Variants in MAGEC3 observed in about 807,000 individuals in gnomAD.
MAGEC3 encodes melanoma-associated antigen C3.
In MAGEC3, 34 loss-of-function variants were observed where a neutral mutation model predicts 35.3. The observed-to-expected ratio is 0.96, with a 90% CI of 0.73 to 1.28. The LOEUF (loss-of-function observed/expected upper bound fraction) is 1.28. MAGEC3 is among the 50% of genes most tolerant of loss of function. The pLI is 0.00. For synonymous variants in MAGEC3, 202 were observed against 185.6 expected, an observed-to-expected ratio of 1.09 and a Z score of -0.72; for missense variants, 561 against 483.6, an observed-to-expected ratio of 1.16 and a Z score of -1.50.
intron 3 of MAGEC3, among the ~76,000 whole-genome samples, chrX:141,880,077 G>A (rs1235208293): frequency 6.3e-5 from 7 of 111,689 alleles, no homozygotes. Flanking sequence ...GGTGAGAGGT[G>A]CAGGGAAAGG....
intron 2 of MAGEC3, among the ~76,000 whole-genome samples, chrX:141,868,425 T>C: frequency 9.0e-6 from 1 of 111,632 alleles, no homozygotes; most frequent in Middle Eastern, 4.6e-3. Flanking sequence ...TAACAACAGG[T>C]GAGCTACAGT....
intron 3 of MAGEC3, 92 bp downstream of exon 3, chrX:141,879,523 G>A (rs2017945994): frequency 1.9e-6 from 2 of 1,044,357 alleles, no homozygotes; most frequent in Non-Finnish European, 1.3e-6. Flanking sequence ...GAAAGGGTCG[G>A]GGAGGTAGGC....
intron 2 of MAGEC3, among the ~76,000 whole-genome samples, chrX:141,869,520 GTTT>G (rs1308303643): frequency 3.6e-5 from 4 of 111,952 alleles, no homozygotes; most frequent in Non-Finnish European, 3.8e-5. Context: ...ACTTGTTTCT[GTTT>G]TTTATTAGTT....
intron 2 of MAGEC3, among the ~76,000 whole-genome samples, chrX:141,867,257 T>G (rs2017854974): frequency 8.9e-6 from 1 of 112,244 alleles, no homozygotes; most frequent in South Asian, 3.7e-4. Context: ...GCTTGACAGC[T>G]AAAGACAGAT....
chrX:141,874,291 C>CTT (rs1206892754), intron 2 of MAGEC3, among the ~76,000 whole-genome samples: 2 of 111,257 alleles, frequency 1.8e-5, no homozygotes, highest in Admixed American at 1.9e-4. Flanking sequence ...CAGGGGAAAA[C>CTT]CTAAGTAACT....
intron 2 of MAGEC3, among the ~76,000 whole-genome samples, chrX:141,871,700 GAGAA>G (rs2017888881): frequency 8.9e-6 from 1 of 112,093 alleles, no homozygotes; most frequent in African/African-American, 3.2e-5. Context: ...GGGATTTTCA[GAGAA>G]AGAATCCAGA....
At chrX:141,843,117 G>A (rs1048591352) in intron 1 of MAGEC3, among the ~76,000 whole-genome samples, 1 of 112,448 alleles carries the variant, frequency 8.9e-6, no homozygotes, top group African/African-American at 3.2e-5. Flanking sequence ...GCTTTATCAT[G>A]TAAATGAATG....
At chrX:141,865,390 TA>T in intron 1 of MAGEC3, 80 bp from the exon 2 acceptor site, 1 of 970,240 alleles carries the variant, frequency 1.0e-6, no homozygotes, top group Non-Finnish European at 1.4e-6. Context: ...GGAAAGACAC[TA>T]AAGAAGAATA....
chrX:141,884,551 TC>T (rs1281344830), intron 4 of MAGEC3, among the ~76,000 whole-genome samples: 1 of 111,405 alleles, frequency 9.0e-6, no homozygotes, highest in African/African-American at 3.3e-5. Flanking sequence ...CAGGAGTGGT[TC>T]TAGAGAAACA....
intron 4 of MAGEC3, among the ~76,000 whole-genome samples, chrX:141,885,793 G>A (rs1344607945): frequency 2.7e-5 from 3 of 110,798 alleles, no homozygotes; most frequent in South Asian, 3.9e-4. Context: ...TAATGTAGAG[G>A]AAGGGATCCA....
intron 4 of MAGEC3, among the ~76,000 whole-genome samples, chrX:141,887,704 G>C (rs902725055): frequency 1.2e-4 from 13 of 112,148 alleles, no homozygotes; most frequent in African/African-American, 2.9e-4. Flanking sequence ...TGCTGTGCAA[G>C]CTGCCCTGCC....
At chrX:141,877,610 A>C (rs1037019675) in intron 2 of MAGEC3, among the ~76,000 whole-genome samples, 1 of 111,777 alleles carries the variant, frequency 8.9e-6, no homozygotes, top group Non-Finnish European at 1.9e-5. Flanking sequence ...TTGGATTACT[A>C]CACTGGCTAC....
At chrX:141,895,909 G>GC (rs1295107035) in intron 6 of MAGEC3, among the ~76,000 whole-genome samples, 2 of 111,644 alleles carry the variant, frequency 1.8e-5, no homozygotes, top group Non-Finnish European at 3.8e-5. Flanking sequence ...CACCCCGACT[G>GC]CCCCCGTGGT....
At chrX:141,874,146 A>C (rs2124109352) in intron 2 of MAGEC3, among the ~76,000 whole-genome samples, 1 of 112,438 alleles carries the variant, frequency 8.9e-6, no homozygotes, top group South Asian at 3.6e-4. Context: ...TACCAGAACA[A>C]GTGGACATCC....
intron 6 of MAGEC3, among the ~76,000 whole-genome samples, chrX:141,895,946 C>T (rs1343285288): frequency 9.0e-6 from 1 of 111,699 alleles, no homozygotes; most frequent in Non-Finnish European, 1.9e-5. Context: ...GCTGCCACCT[C>T]GCTACCTCCC....
chrX:141,865,748 C>G, intron 2 of MAGEC3, 143 bp downstream of exon 2: 1 of 628,764 alleles, frequency 1.6e-6, no homozygotes, highest in Non-Finnish European at 2.3e-6. Flanking sequence ...TTTTTGGGGC[C>G]TGAGGGAGGT....
At chrX:141,892,418 T>A (rs893829107) in intron 4 of MAGEC3, among the ~76,000 whole-genome samples, 1 of 111,727 alleles carries the variant, frequency 9.0e-6, no homozygotes, top group African/African-American at 3.3e-5. Flanking sequence ...TGAGCATAAA[T>A]TCTGGGACAA....
chrX:141,869,754 C>A (rs2124105115), intron 2 of MAGEC3, among the ~76,000 whole-genome samples: 1 of 111,916 alleles, frequency 8.9e-6, no homozygotes, highest in South Asian at 3.7e-4. Context: ...CAATTAGAAA[C>A]ACAACTGACA....
Position 141,867,919 on chromosome X carries a change from C to G in MAGEC3, c.258+2314C>G, listed in dbSNP as rs192189240. On this transcript the variant is annotated intron_variant, in intron 2 of 7. Transcript: ENST00000298296. Reference sequence around the variant, plus strand: ...GGGCGGATCATGAGGTCAGGAGATCCAGACCATCCTGGCTAACACGGTGAA... The same window carrying G: ...GGGCGGATCATGAGGTCAGGAGATCGAGACCATCCTGGCTAACACGGTGAA... 4.0e-3 allele frequency among the ~76,000 whole-genome samples: 446 copies of G among 111,472 alleles called. 7 individuals carry two copies. Among genetic ancestry groups the G allele is most frequent in the East Asian group, 0.028 (98 of 3,459 alleles).
Sources: allele counts gnomAD v4.1 joint callset (sites outside exome capture counted in the v4.1 genomes callset), GRCh38; gene constraint gnomAD v4.1.1; transcripts MANE v1.5; gene names NCBI Gene and HGNC (gene_info 2026-07-23, HGNC 2026-07-21).